The following IQSEC2 variants were observed in gnomAD, a reference collection of about 807,000 sequenced individuals.
IQSEC2 encodes the protein IQ motif and SEC7 domain-containing protein 2.
A neutral mutation model predicts 74.6 loss-of-function variants in IQSEC2; 6 were observed. The observed-to-expected ratio is 0.08, with a 90% CI of 0.04 to 0.16. The LOEUF is 0.16. IQSEC2 is among the 10% of genes least tolerant of loss of function. IQSEC2 has a pLI of 1.00. For missense variants in IQSEC2, 734 were observed against 1,306.2 expected (o/e 0.56, Z 6.75); for synonymous variants, 494 against 544.5 (o/e 0.91, Z 1.29).
At chrX:53,295,844 C>A (rs1431742490) in intron 1 of IQSEC2, among the ~76,000 whole-genome samples, 11 of 109,974 alleles carry the variant, frequency 1.0e-4, no homozygotes, top group Non-Finnish European at 1.3e-4. Context: ...GGTGCCTCTT[C>A]CCAGGAACCT....
At chrX:53,310,436 A>G (rs2075311161) in intron 1 of IQSEC2, among the ~76,000 whole-genome samples, 1 of 111,735 alleles carries the variant, frequency 8.9e-6, no homozygotes, top group African/African-American at 3.2e-5. Flanking sequence ...AATAGGCATA[A>G]TAGGCATTGT....
At chrX:53,309,901 G>A (rs1417111924) in intron 1 of IQSEC2, among the ~76,000 whole-genome samples, 2 of 111,970 alleles carry the variant, frequency 1.8e-5, no homozygotes, top group Non-Finnish European at 3.8e-5. Context: ...CCTCACATTA[G>A]GAAGGAAGAA....
At chrX:53,244,438 A>C (rs782226487) in intron 8 of IQSEC2, among the ~76,000 whole-genome samples, 2 of 106,895 alleles carry the variant, frequency 1.9e-5, no homozygotes, top group African/African-American at 6.9e-5. Context: ...AAGTGGGATA[A>C]TAGCTTGAGC....
At chrX:53,243,528 G>C (rs1417693031) in intron 8 of IQSEC2, 57 bp from the exon 9 acceptor site, 9 of 1,112,430 alleles carry the variant, frequency 8.1e-6, no homozygotes, top group Non-Finnish European at 1.1e-5. Context: ...TGGGTGGTAG[G>C]GGTGCTCCAC....
downstream of IQSEC2, chrX:53,226,723 CAGGT>C (rs2074041098): frequency 8.9e-6 from 1 of 111,907 alleles, no homozygotes; most frequent in East Asian, 2.8e-4. Context: ...ACAGGGCACA[CAGGT>C]AGGAAGGAGC....
intron 1 of IQSEC2, among the ~76,000 whole-genome samples, chrX:53,293,455 C>T (rs1320438735): frequency 1.8e-5 from 2 of 111,742 alleles, no homozygotes; most frequent in Non-Finnish European, 3.8e-5. Flanking sequence ...AGGGCCACAG[C>T]GCACCTTATC....
At chrX:53,251,270 G>C in intron 4 of IQSEC2, 96 bp from the exon 5 acceptor site, 18 of 866,931 alleles carry the variant, frequency 2.1e-5, no homozygotes, top group Admixed American at 2.7e-5. Context: ...AGGGAGGTAA[G>C]GAAAAAGGGG....
chrX:53,302,708 C>T (rs1343237317), intron 1 of IQSEC2, among the ~76,000 whole-genome samples: 1 of 112,217 alleles, frequency 8.9e-6, no homozygotes, highest in Non-Finnish European at 1.9e-5. Flanking sequence ...GAAGCCAAGG[C>T]GGGAGGACCG....
In IQSEC2 at chrX:53,294,336, G is replaced by A. The variant is rs782000901; in HGVS notation, c.708-2412C>T. Among the ~76,000 whole-genome samples the A allele has an allele frequency of 8.0e-5, 9 of 112,070 alleles. No homozygotes were observed. In the South Asian group the frequency reaches 1.1e-3, roughly 14 times the overall value. On this transcript the variant is annotated intron_variant, in intron 1 of 14. Coordinates refer to ENST00000642864, the MANE Select transcript of IQSEC2 (RefSeq NM_001111125.3). Reference sequence around the variant, plus strand: ...CACAGCATCATATGACTCTCAATGTGGGGGTGCAGCTCACCCCAGGGTCCA... The same window carrying A: ...CACAGCATCATATGACTCTCAATGTAGGGGTGCAGCTCACCCCAGGGTCCA...
intron 1 of IQSEC2, among the ~76,000 whole-genome samples, chrX:53,298,874 T>C (rs1375092903): frequency 9.0e-6 from 1 of 111,583 alleles, no homozygotes; most frequent in Non-Finnish European, 1.9e-5. Context: ...ATTTTTAATT[T>C]CCCAGGTTTC....
chrX:53,279,495 G>T, intron 2 of IQSEC2: 1 of 650,039 alleles, frequency 1.5e-6, no homozygotes, highest in Non-Finnish European at 2.5e-6. Context: ...GGTGGGAGGG[G>T]CTGGCAATGA....
intron 1 of IQSEC2, among the ~76,000 whole-genome samples, chrX:53,300,024 T>C (rs1207585554): frequency 2.7e-5 from 2 of 74,883 alleles, no homozygotes; most frequent in Non-Finnish European, 4.3e-5. Context: ...CCTCCCAAAG[T>C]TGGGGGGGGA....
chrX:53,235,970 G>A (rs1416132102), intron 13 of IQSEC2, 138 bp from the exon 14 acceptor site: 6 of 573,506 alleles, frequency 1.0e-5, no homozygotes, highest in African/African-American at 7.0e-5. Flanking sequence ...TGAAGAGGGG[G>A]AGGCGGGGAG....
rs1159144281 is a variant in IQSEC2 at position 53,283,091 on chromosome X, C to G, written c.737+8804G>C. ...ATTAGCCAGGCATGGTGGTGCACAC[C>G]TGTAGTCCCAGCTACTTGGGAGGCT... On this transcript the variant is annotated intron_variant, in intron 2 of 14. Transcript: ENST00000642864. Among the ~76,000 whole-genome samples the G allele has an allele frequency of 2.7e-5, 3 of 112,144 alleles. No individual in the cohort carries two copies. In the Admixed American group the frequency reaches 2.8e-4, roughly 11 times the overall value.
chrX:53,271,963 T>C (rs1198882046), intron 2 of IQSEC2, among the ~76,000 whole-genome samples: 2 of 111,448 alleles, frequency 1.8e-5, no homozygotes, highest in Non-Finnish European at 3.8e-5. Context: ...CGGAGGTTCG[T>C]GGGGTTCCTG....
intron 9 of IQSEC2, 39 bp downstream of exon 9, chrX:53,243,293 C>T (rs1190565673): frequency 3.5e-6 from 4 of 1,128,520 alleles, no homozygotes; most frequent in East Asian, 3.3e-5. Flanking sequence ...AGAGGCAGAC[C>T]TGAACCCTGG....
At chrX:53,303,625 A>T (rs781791517) in intron 1 of IQSEC2, among the ~76,000 whole-genome samples, 39 of 109,299 alleles carry the variant, frequency 3.6e-4, no homozygotes, top group African/African-American at 1.2e-3. Context: ...ACATGGTAAA[A>T]CCCCATCTCT....
chrX:53,250,562 G>C lies in IQSEC2; in HGVS notation c.2014C>G (p.Pro672Ala). Reference protein sequence around the residue: ...LPPAPNSGTGPSGVAGGRRLG... With the variant: ...LPPAPNSGTGASGVAGGRRLG... Reference sequence around the variant, plus strand: ...CTCCGACCCCCAGCCACACCACTGGGCCCAGTGCCACTGTTGGGGGCTGGT... The same window carrying C: ...CTCCGACCCCCAGCCACACCACTGGCCCCAGTGCCACTGTTGGGGGCTGGT... Residue 672 changes from proline to alanine, a missense_variant, in exon 5 of 15, where the codon CCC (proline) becomes GCC (alanine). Pro to Ala is a conservative substitution (Grantham distance 27). This residue lies in a region of IQSEC2 where 204 missense variants were observed against 305.4 expected (regional missense o/e 0.67). Transcript: ENST00000642864. The C allele has an allele frequency of 8.3e-7, 1 of 1,211,476 alleles. No homozygotes were observed. The highest frequency in any genetic ancestry group is 1.1e-6 in the Non-Finnish European group (1 of 895,357).
intron 1 of IQSEC2, among the ~76,000 whole-genome samples, chrX:53,306,170 C>T (rs1041136201): frequency 5.3e-5 from 6 of 112,188 alleles, no homozygotes; most frequent in African/African-American, 1.9e-4. Flanking sequence ...TCCAAGCCCC[C>T]CCGAGTGCTT....
Sources: gnomAD v4.1 joint callset for allele counts (sites outside exome capture counted in the v4.1 genomes callset) on GRCh38, gnomAD v4.1.1 for gene constraint, gnomAD v4.1.1 regional missense constraint, MANE v1.5 for transcripts, NCBI Gene and HGNC (gene_info 2026-07-23, HGNC 2026-07-21) for gene names.